The following MEFV variants were observed in gnomAD, a reference collection of about 807,000 sequenced individuals.
MEFV encodes MEFV innate immunity regulator, pyrin.
Under a neutral mutation model 62.5 loss-of-function variants are expected in MEFV, and 60 were observed. That is an observed-to-expected ratio of 0.96 (90% CI 0.78 to 1.19). MEFV has a LOEUF of 1.19. MEFV is among the 50% of genes most tolerant of loss of function. The pLI is 0.00. For missense variants in MEFV, 1,169 were observed against 1,004.5 expected, an observed-to-expected ratio of 1.16 and a Z score of -2.21; for synonymous variants, 500 against 415.2, an observed-to-expected ratio of 1.20 and a Z score of -2.48.
chr16:3,250,707 GAC>G (rs1188657601), intron 2 of MEFV, among the ~76,000 whole-genome samples: 2 of 151,356 alleles, frequency 1.3e-5, no homozygotes, highest in Non-Finnish European at 2.9e-5. Flanking sequence ...TTCATAAGCA[GAC>G]ATGCCACGAG....
rs1176593456 is a variant in MEFV at position 3,243,707 on chromosome 16, T to C, written c.1793-13A>G. ...AGAATCACATTAACTGCAAAGAAAA[T>C]TTGAATACCTAGGTAGGGGTCCATG... On this transcript the variant is annotated splice_polypyrimidine_tract_variant and intron_variant, in intron 9 of 9. Transcript: ENST00000219596. 7 of 1,610,302 alleles carry C rather than the reference T, an allele frequency of 4.3e-6. No homozygotes were observed. The highest frequency in any genetic ancestry group is 5.9e-6 in the Non-Finnish European group (7 of 1,178,514).
At chr16:3,244,677 A>G in intron 6 of MEFV, 89 bp from the exon 7 acceptor site, 1 of 974,018 alleles carries the variant, frequency 1.0e-6, no homozygotes, top group Non-Finnish European at 1.6e-6. Flanking sequence ...CATTCTCCAC[A>G]GGGCACACCT....
At chr16:3,246,696 C>G (rs1958948507) in intron 5 of MEFV, 149 bp from the exon 6 acceptor site, 2 of 886,792 alleles carry the variant, frequency 2.3e-6, no homozygotes, top group Non-Finnish European at 1.8e-6. Flanking sequence ...AGTGGAGCAC[C>G]TTTCTTCAAG....
At chr16:3,253,702 AGT>A (rs1450445047) in intron 2 of MEFV, among the ~76,000 whole-genome samples, 1 of 151,726 alleles carries the variant, frequency 6.6e-6, no homozygotes, top group East Asian at 1.9e-4. Context: ...GTTTTGTAGA[AGT>A]GGAGTCTGGC....
At chr16:3,244,006 C>T (rs766750849) in intron 8 of MEFV, 114 bp from the exon 9 acceptor site, 3 of 1,560,986 alleles carry the variant, frequency 1.9e-6, no homozygotes, top group Non-Finnish European at 2.6e-6. Flanking sequence ...TAGGGCCCTG[C>T]ATGCTATGTT....
intron 6 of MEFV, among the ~76,000 whole-genome samples, chr16:3,245,643 A>G (rs1392265470): frequency 5.2e-5 from 6 of 115,594 alleles, no homozygotes; most frequent in Non-Finnish European, 1.0e-4. Context: ...TCAAAAAAAA[A>G]GAGAGAGAGA....
chr16:3,254,896 G>C, intron 1 of MEFV, 106 bp from the exon 2 acceptor site: 6 of 1,579,042 alleles, frequency 3.8e-6, no homozygotes, highest in Non-Finnish European at 4.3e-6. Context: ...TTTAGAAATT[G>C]AGGAAAACAA....
At position 3,243,491 on chromosome 16, in the gene MEFV, T is replaced by A. The variant is rs387907566; in HGVS notation, c.1996A>T (p.Ile666Phe). Residue 666 changes from isoleucine (I) to phenylalanine (F), a missense_variant, in exon 10 of 10, where the codon ATC becomes TTC. Ile to Phe is a conservative substitution (Grantham distance 21). Coordinates refer to ENST00000219596, the MANE Select transcript of MEFV (RefSeq NM_000243.3). ...ATGGATGTCTTGCAGGCTCCCAGGA[T>A]CCATGCTGTCTTGTCTCCAACCTCC... is the stretch of plus-strand genomic sequence containing the variant. ...EVEVGDKTAW[I>F]LGACKTSISR... 1.2e-5 allele frequency: 20 copies of A among 1,614,036 alleles called. No individual in the cohort carries two copies. In the Admixed American group the frequency reaches 3.3e-4, roughly 27 times the overall value.
rs1294852343 is a variant in MEFV, at chr16:3,256,471, C to A, written c.117G>T (p.Arg39Ser). The A allele has an allele frequency of 1.2e-6, 2 of 1,614,206 alleles. No individual in the cohort carries two copies. Among genetic ancestry groups the A allele is most frequent in the East Asian group, 4.5e-5 (2 of 44,890 alleles). The change falls in exon 1 of 10, where the codon AGG (arginine) becomes AGT (serine). Residue 39 changes from arginine to serine, a missense_variant. Arg to Ser is a moderately radical substitution (Grantham distance 110). Transcript: ENST00000219596. ...CTCTCTGGATCTGGCTCCGGGGGAT[C>A]CTGGAGTGCTCCTTCTGCACACTGG... The part of the protein sequence containing the change: ...QNTSVQKEHS[R>S]IPRSQIQRAR...
Position 3,243,028 on chromosome 16 carries a change from T to C in MEFV, c.*113A>G. On this transcript the variant is annotated 3_prime_UTR_variant, in exon 10 of 10. Coordinates refer to ENST00000219596, the MANE Select transcript of MEFV (RefSeq NM_000243.3). ...GGCTCCGTGGGCACAGTAACTATTT[T>C]GTTATTTTTGCATTTCCCATAGCAG... 2 of 1,241,844 alleles carry C rather than the reference T, an allele frequency of 1.6e-6. No homozygotes were observed. The highest frequency in any genetic ancestry group is 2.3e-6 in the Non-Finnish European group (2 of 861,236). The allele number at this position is 1,241,844 out of a possible 1,614,324, so 76.9% of individuals were successfully genotyped here.
At chr16:3,252,864 C>T (rs904724934) in intron 2 of MEFV, among the ~76,000 whole-genome samples, 2 of 145,808 alleles carry the variant, frequency 1.4e-5, no homozygotes, top group African/African-American at 2.5e-5. Flanking sequence ...GTGGGAGGAT[C>T]GCTTGAGCCT....
rs1211849521 is a variant in MEFV, at chr16:3,243,131, T to C, written c.*10A>G. The stretch of plus-strand genomic sequence containing the variant: ...GCCAGAAGCAGGAAGAGAGATGCAG[T>C]GTTGGGCATTCAGTCAGGCCCCTGA... On this transcript the variant is annotated 3_prime_UTR_variant, in exon 10 of 10. Transcript: ENST00000219596. 1.2e-6 allele frequency: 2 copies of C among 1,612,474 alleles called. No homozygotes were observed. The highest frequency in any genetic ancestry group is 2.2e-5 in the South Asian group (2 of 91,014).
At chr16:3,244,661 G>A in intron 6 of MEFV, 73 bp from the exon 7 acceptor site, 1 of 1,124,314 alleles carries the variant, frequency 8.9e-7, no homozygotes, top group East Asian at 2.3e-5. Flanking sequence ...AGCTGGAAAT[G>A]AACTACATTC....
chr16:3,249,620 G>T lies in MEFV; in HGVS notation c.1071C>A (p.Asp357Glu). The stretch of plus-strand genomic sequence containing the variant: ...TTCCCGGGCTCTTCCTTTCATGGGA[G>T]TCCTGGCACCGGGGGCAGCCAGGTG... The part of the protein sequence containing the change: ...SRSPGCPRCQ[D>E]SHERKSPGSL... Residue 357 changes from aspartate (D) to glutamate (E), a missense_variant, in exon 3 of 10, where the codon GAC (aspartate) becomes GAA (glutamate). Coordinates refer to ENST00000219596, the MANE Select transcript of MEFV (RefSeq NM_000243.3). The T allele has an allele frequency of 6.2e-7, 1 of 1,614,106 alleles. No homozygotes were observed.
intron 1 of MEFV, among the ~76,000 whole-genome samples, chr16:3,255,906 A>T (rs1372464398): frequency 6.6e-6 from 1 of 152,034 alleles, no homozygotes; most frequent in Non-Finnish European, 1.5e-5. Flanking sequence ...GTTCGAGACC[A>T]GCCTGGCCAA....
rs104895208 is a variant in MEFV, at chr16:3,243,402, C to A, written c.2085G>T (p.Lys695Asn). The A allele has an allele frequency of 6.2e-7, 1 of 1,614,134 alleles. No homozygotes were observed. Among genetic ancestry groups the A allele is most frequent in the Non-Finnish European group, 8.5e-7 (1 of 1,180,020 alleles). Residue 695 changes from lysine to asparagine, a missense_variant, in exon 10 of 10, where the codon AAG becomes AAT. Coordinates refer to ENST00000219596, the MANE Select transcript of MEFV (RefSeq NM_000243.3). ...ENGYWVVIMM[K>N]ENEYQASSVP... ...CGCTGGACGCCTGGTACTCATTTTC[C>A]TTCATCATTATCACCACCCAGTAGC...
intron 4 of MEFV, chr16:3,248,485 G>C: frequency 4.0e-6 from 1 of 247,772 alleles, no homozygotes; most frequent in South Asian, 4.6e-5. Flanking sequence ...AGCTACTCAG[G>C]AGGCTGAGGC....
rs767528614 is a variant in MEFV, at chr16:3,249,014, C to G, written c.1261-10G>C. The G allele has an allele frequency of 6.8e-6, 11 of 1,613,904 alleles. No homozygotes were observed. The highest frequency in any genetic ancestry group is 9.3e-6 in the Non-Finnish European group (11 of 1,179,892). Reference sequence around the variant, plus strand: ...GCTTCTGAATTTTCTTCTGGAAAAACAGCACTTGTTGAAAAGCTTGAATTT... The same window carrying G: ...GCTTCTGAATTTTCTTCTGGAAAAAGAGCACTTGTTGAAAAGCTTGAATTT... On this transcript the variant is annotated splice_polypyrimidine_tract_variant and intron_variant, in intron 3 of 9. Coordinates refer to ENST00000219596, the MANE Select transcript of MEFV (RefSeq NM_000243.3).
intron 6 of MEFV, chr16:3,246,289 G>A: frequency 1.7e-6 from 1 of 580,810 alleles, no homozygotes; most frequent in South Asian, 2.0e-5. Context: ...CAGCAGGATG[G>A]GCTGAATTCA....
Sources: allele counts gnomAD v4.1 joint callset (sites outside exome capture counted in the v4.1 genomes callset), GRCh38; gene constraint gnomAD v4.1.1; transcripts MANE v1.5; gene names NCBI Gene and HGNC (gene_info 2026-07-23, HGNC 2026-07-21).